The following MCF2L2 variants were observed in gnomAD, a reference collection of about 807,000 sequenced individuals.
MCF2L2 encodes the protein MCF.2 cell line derived transforming sequence-like 2.
MCF2L2 carries 102 observed loss-of-function variants against 150.2 expected under a neutral mutation model. The observed-to-expected ratio is 0.68, with a 90% CI of 0.58 to 0.80. The LOEUF (loss-of-function observed/expected upper bound fraction) is 0.80. MCF2L2 is among the 30% of genes least tolerant of loss of function. The probability of loss-of-function intolerance (pLI) is 0.00; values close to 1 mark genes in which losing one functional copy is unlikely to be tolerated. For missense variants in MCF2L2, 1,256 were observed against 1,372.8 expected, an observed-to-expected ratio of 0.91 and a Z score of 1.34; for synonymous variants, 465 against 491.3, an observed-to-expected ratio of 0.95 and a Z score of 0.71.
chr3:183,271,951 T>A (rs1726816347), intron 15 of MCF2L2: 2 of 185,674 alleles, frequency 1.1e-5, no homozygotes, highest in Admixed American at 1.3e-4. Context: ...CCCAACAAGG[T>A]CTTATAAACC....
chr3:183,252,405 G>A lies in MCF2L2; in HGVS notation c.1863-21388C>T, dbSNP rs76650223. ...AGATGCTGAGCCATGCCCTGTGTAG[G>A]CAGCATATGAAAAGAACTGCATGAT... is the stretch of plus-strand genomic sequence containing the variant. On this transcript the variant is annotated intron_variant, in intron 15 of 29. Coordinates refer to ENST00000328913, the MANE Select transcript of MCF2L2 (RefSeq NM_015078.4). Among the ~76,000 whole-genome samples the A allele has an allele frequency of 4.3e-3, 659 of 152,286 alleles. 3 individuals are homozygous for A. Among genetic ancestry groups the A allele is most frequent in the Non-Finnish European group, 6.7e-3 (453 of 68,028 alleles).
intron 21 of MCF2L2, among the ~76,000 whole-genome samples, chr3:183,219,365 C>A (rs1263536199): frequency 6.6e-6 from 1 of 152,120 alleles, no homozygotes; most frequent in Non-Finnish European, 1.5e-5. Context: ...AATACCAGCA[C>A]TTTGGGAGGC....
chr3:183,318,051 G>A lies in MCF2L2; in HGVS notation c.753+17C>T, dbSNP rs1319793325. The A allele has an allele frequency of 6.2e-7, 1 of 1,611,836 alleles. No individual in the cohort carries two copies. The highest frequency in any genetic ancestry group is 1.1e-5 in the South Asian group (1 of 90,586). On this transcript the variant is annotated intron_variant, in intron 7 of 29. Coordinates refer to ENST00000328913, the MANE Select transcript of MCF2L2 (RefSeq NM_015078.4). Reference sequence around the variant, plus strand: ...CTGGCACAGACACTGGCCTCTGAGAGGTCACTGACCGCTCACCTGCAGCTT... The same window carrying A: ...CTGGCACAGACACTGGCCTCTGAGAAGTCACTGACCGCTCACCTGCAGCTT...
At chr3:183,288,352 C>T (rs1727911206) in intron 14 of MCF2L2, among the ~76,000 whole-genome samples, 1 of 152,128 alleles carries the variant, frequency 6.6e-6, no homozygotes, top group East Asian at 1.9e-4. Flanking sequence ...TTCTCCAAAC[C>T]TCATCCAATG....
At chr3:183,370,723 G>A (rs779170033) in intron 3 of MCF2L2, among the ~76,000 whole-genome samples, 1 of 152,106 alleles carries the variant, frequency 6.6e-6, no homozygotes, top group Non-Finnish European at 1.5e-5. Context: ...AAGGACAAGA[G>A]CCTGGCATAT....
chr3:183,186,479 ACTTTGGGAGG>A (rs902123187), intron 27 of MCF2L2, among the ~76,000 whole-genome samples: 5 of 152,176 alleles, frequency 3.3e-5, no homozygotes, highest in South Asian at 2.1e-4. Flanking sequence ...AAATCTCAGC[ACTTTGGGAGG>A]CCGAGGCAAG....
At chr3:183,408,216 G>A (rs915112165) in intron 1 of MCF2L2, among the ~76,000 whole-genome samples, 1 of 152,176 alleles carries the variant, frequency 6.6e-6, no homozygotes, top group Non-Finnish European at 1.5e-5. Flanking sequence ...GTGAAAACTG[G>A]AGCCCAGAGT....
rs190716615 is a variant in MCF2L2, at chr3:183,410,518, C to T, written c.76+17384G>A. Among the ~76,000 whole-genome samples the T allele has an allele frequency of 4.3e-3, 650 of 152,278 alleles. 5 individuals carry two copies. The highest frequency in any genetic ancestry group is 6.3e-3 in the Non-Finnish European group (428 of 68,018). ...CATGACAGCTTGTGGGCCATATGCC[C>T]GGGCCAGTGCCTTGGTCGTGGTGGG... On this transcript the variant is annotated intron_variant, in intron 1 of 29. Coordinates refer to ENST00000328913, the MANE Select transcript of MCF2L2 (RefSeq NM_015078.4).
chr3:183,306,706 T>C (rs1382376484), intron 10 of MCF2L2, among the ~76,000 whole-genome samples: 3 of 152,228 alleles, frequency 2.0e-5, no homozygotes, highest in Non-Finnish European at 2.9e-5. Flanking sequence ...TTGGAGTTCA[T>C]TGTGCCAGTC....
chr3:183,411,044 GCA>G (rs1224843409), intron 1 of MCF2L2, among the ~76,000 whole-genome samples: 1 of 152,192 alleles, frequency 6.6e-6, no homozygotes, highest in Non-Finnish European at 1.5e-5. Context: ...AGAGCACTCA[GCA>G]CAGACTAGCA....
At chr3:183,350,306 A>ATT (rs200874754) in intron 3 of MCF2L2, among the ~76,000 whole-genome samples, 122 of 149,386 alleles carry the variant, frequency 8.2e-4, no homozygotes, top group African/African-American at 2.7e-3. Context: ...CTGGGGTGGG[A>ATT]TTTTTTTTTT....
chr3:183,387,579 A>C (rs1713903634), intron 2 of MCF2L2, among the ~76,000 whole-genome samples: 1 of 152,258 alleles, frequency 6.6e-6, no homozygotes. Context: ...AGAAAAAAAG[A>C]GAAACACTTA....
intron 3 of MCF2L2, among the ~76,000 whole-genome samples, chr3:183,360,293 G>C (rs574675361): frequency 1.3e-5 from 2 of 152,276 alleles, no homozygotes; most frequent in South Asian, 4.1e-4. Flanking sequence ...TGGGGTAGAA[G>C]GGGGTGGCTC....
rs1476072395 is a variant in MCF2L2 at position 183,300,145 on chromosome 3, G to C, written c.1165C>G (p.Gln389Glu). Reference sequence around the variant, plus strand: ...GCATCTGCTGCATAATGGTGGCTTTGGATGAGCTGGTCCCCAACCAGTGCC... The same window carrying C: ...GCATCTGCTGCATAATGGTGGCTTTCGATGAGCTGGTCCCCAACCAGTGCC... ...LLALVGDQLI[Q>E]SHHYAADAIR... The change falls in exon 11 of 30, where the codon CAA becomes GAA. Residue 389 changes from glutamine (Q) to glutamate (E), a missense_variant. Transcript: ENST00000328913. 1.2e-6 allele frequency: 2 copies of C among 1,613,530 alleles called. No individual in the cohort carries two copies. Among genetic ancestry groups the C allele is most frequent in the South Asian group, 2.2e-5 (2 of 91,002 alleles).
intron 3 of MCF2L2, among the ~76,000 whole-genome samples, chr3:183,351,192 A>G (rs73884674): frequency 0.12 from 2,738 of 23,460 alleles, 131 homozygotes; most frequent in African/African-American, 0.31. Context: ...TTTCTTAAGT[A>G]TATATATATA....
At chr3:183,393,481 T>C (rs746890605) in intron 1 of MCF2L2, among the ~76,000 whole-genome samples, 19 of 152,130 alleles carry the variant, frequency 1.2e-4, no homozygotes, top group Non-Finnish European at 2.5e-4. Flanking sequence ...GTGTGAGCCA[T>C]TGCGCCTGGC....
At chr3:183,277,269 G>A (rs1001787819) in intron 14 of MCF2L2, among the ~76,000 whole-genome samples, 40 of 151,412 alleles carry the variant, frequency 2.6e-4, no homozygotes, top group African/African-American at 7.8e-4. Context: ...CCTGGGAGGC[G>A]GAGGTTGCAG....
At chr3:183,323,598 C>T (rs1729902538) in intron 5 of MCF2L2, among the ~76,000 whole-genome samples, 7 of 151,466 alleles carry the variant, frequency 4.6e-5, no homozygotes, top group Admixed American at 4.6e-4. Flanking sequence ...TTGAGACCAG[C>T]CAGAGCAACA....
chr3:183,238,055 G>C (rs572178718), intron 15 of MCF2L2, among the ~76,000 whole-genome samples: 2,374 of 148,070 alleles, frequency 0.016, 65 homozygotes, highest in African/African-American at 0.054. Context: ...ATTGCACTGT[G>C]GTCTGAGAGA....
Sources: allele counts gnomAD v4.1 joint callset (sites outside exome capture counted in the v4.1 genomes callset), GRCh38; gene constraint gnomAD v4.1.1; transcripts MANE v1.5; gene names NCBI Gene and HGNC (gene_info 2026-07-23, HGNC 2026-07-21).